RIPK2: variants seen among roughly 807,000 people sequenced by gnomAD.
RIPK2 encodes receptor interacting serine/threonine kinase 2.
Under a neutral mutation model 60.9 loss-of-function variants are expected in RIPK2, and 38 were observed. That is an observed-to-expected ratio of 0.62 (90% confidence interval 0.48 to 0.82). The LOEUF is 0.82. Ranked by LOEUF, RIPK2 falls within the 40% of genes least tolerant of loss-of-function variation. The pLI is 0.00. For missense variants in RIPK2, 518 were observed against 647.0 expected (o/e 0.80, Z 2.16); for synonymous variants, 225 against 223.4 (o/e 1.01, Z -0.06).
At chr8:89,762,543 T>C (rs551128086) in intron 1 of RIPK2, among the ~76,000 whole-genome samples, 1 of 152,356 alleles carries the variant, frequency 6.6e-6, no homozygotes, top group South Asian at 2.1e-4. Flanking sequence ...TAATACTATG[T>C]TCTTTCCCAT....
Position 89,790,393 on chromosome 8 carries a change from T to G in RIPK2, c.1600T>G (p.Leu534Val), listed in dbSNP as rs775421386. 1 of 1,598,592 alleles carries G rather than the reference T, an allele frequency of 6.3e-7. No individual in the cohort carries two copies. Among genetic ancestry groups the G allele is most frequent in the South Asian group, 1.1e-5 (1 of 89,274 alleles). Residue 534 changes from leucine to valine, a missense_variant, in exon 11 of 11, where the codon TTA becomes GTA. By Grantham distance (32) the Leu-to-Val change is conservative. Transcript: ENST00000220751. ...LVVSRSPSLN[L>V]LQNKSM is the part of the protein sequence containing the mutation. ...GGTTTCTAGATCACCATCTTTAAAT[T>G]TACTTCAAAATAAAAGCATGTAAGT...
chr8:89,785,177 C>G (rs1400487248), intron 8 of RIPK2, among the ~76,000 whole-genome samples: 1 of 152,132 alleles, frequency 6.6e-6, no homozygotes, highest in Non-Finnish European at 1.5e-5. Context: ...AGGTCGCAGT[C>G]AAAACATTGT....
Position 89,785,280 on chromosome 8 carries a change from G to T in RIPK2, c.1029+1141G>T, listed in dbSNP as rs1157782469. Among the ~76,000 whole-genome samples the T allele has an allele frequency of 5.3e-5, 8 of 152,108 alleles. No individual in the cohort carries two copies. In the East Asian group the frequency reaches 1.5e-3, roughly 29 times the overall value. On this transcript the variant is annotated intron_variant, in intron 8 of 10. Transcript: ENST00000220751. ...ACTTGAGGTCAGGAGTTCGAGACCA[G>T]CCTGGCCAACATGACAAAACCCCAT...
In RIPK2 at chr8:89,757,997, G is replaced by T; in HGVS notation, c.-64G>T. The T allele has an allele frequency of 1.4e-6, 2 of 1,470,050 alleles. No homozygotes were observed. The highest frequency in any genetic ancestry group is 2.6e-5 in the East Asian group (1 of 39,136). The allele number at this position is 1,470,050 out of a possible 1,614,324, so 91.1% of individuals were successfully genotyped here. On this transcript the variant is annotated 5_prime_UTR_variant, in exon 1 of 11. Transcript: ENST00000220751. ...GCGTATCTGGGCGCCTGAGCGCGGC[G>T]TGGGAGCCTTGGGAGCCGCCGCAGC...
At chr8:89,758,280 C>G in intron 1 of RIPK2, 47 bp downstream of exon 1, 1 of 1,506,782 alleles carries the variant, frequency 6.6e-7, no homozygotes, top group Non-Finnish European at 8.9e-7. Context: ...ACTCCTGCAT[C>G]CCCTCAAGCC....
rs370426586 is a variant in RIPK2 at position 89,779,995 on chromosome 8, C to T, written c.854-80C>T. The T allele has an allele frequency of 2.4e-5, 17 of 705,896 alleles. No homozygotes were observed. In the East Asian group the frequency reaches 3.0e-4, roughly 13 times the overall value. The allele number at this position is 705,896 out of a possible 1,614,324, so 43.7% of individuals were successfully genotyped here. A position where few individuals can be genotyped will look rare whatever the true frequency, so the allele number is the denominator to read the frequency against. On this transcript the variant is annotated intron_variant, in intron 6 of 10. Coordinates refer to ENST00000220751, the MANE Select transcript of RIPK2 (RefSeq NM_003821.6). ...CTTTGGGGAAAAACTGACTTGAGGC[C>T]TTGTACATTAAATGTTAGCATTTCA...
At chr8:89,782,754 T>C (rs1356017584) in intron 7 of RIPK2, among the ~76,000 whole-genome samples, 5 of 152,218 alleles carry the variant, frequency 3.3e-5, no homozygotes, top group African/African-American at 1.2e-4. Flanking sequence ...TTTTCCTAGG[T>C]AATTGGCTTC....
rs879231809 is a variant in RIPK2 at position 89,786,804 on chromosome 8, G to A, written c.1123+118G>A. The A allele has an allele frequency of 5.9e-6, 4 of 674,072 alleles. No individual in the cohort carries two copies. In the Admixed American group the frequency reaches 8.3e-5, roughly 14 times the overall value. 41.8% of individuals were successfully genotyped at this position (674,072 alleles called of 1,614,324 possible). On this transcript the variant is annotated intron_variant, in intron 9 of 10. Transcript: ENST00000220751. The stretch of plus-strand genomic sequence containing the variant: ...TTAATTTGCATATATAACTCATTTT[G>A]TAAAGCGACAGAGTCTAAAGATAGG...
intron 1 of RIPK2, among the ~76,000 whole-genome samples, chr8:89,761,283 G>A (rs1440754071): frequency 1.3e-5 from 2 of 151,946 alleles, no homozygotes; most frequent in African/African-American, 4.8e-5. Context: ...TACCTAATAG[G>A]CTTCTCCTGG....
chr8:89,779,110 C>A (rs1489685854), intron 6 of RIPK2, among the ~76,000 whole-genome samples: 1 of 151,944 alleles, frequency 6.6e-6, no homozygotes, highest in Non-Finnish European at 1.5e-5. Flanking sequence ...AAATTCAAAT[C>A]TTTTACTTGT....
At position 89,757,861 on chromosome 8, in the gene RIPK2, C is replaced by T; in HGVS notation, c.-200C>T. ...TGGCACCAGTCTCTAGAAAAGAAGT[C>T]AGCTCTGGTTCGGAGAAGCAGCGGC... On this transcript the variant is annotated 5_prime_UTR_variant, in exon 1 of 11. Transcript: ENST00000220751. 7.4e-7 allele frequency: 1 copy of T among 1,348,268 alleles called. No individual in the cohort carries two copies. Among genetic ancestry groups the T allele is most frequent in the South Asian group, 1.8e-5 (1 of 56,142 alleles). The allele number at this position is 1,348,268 out of a possible 1,614,324, so 83.5% of individuals were successfully genotyped here.
chr8:89,775,042 G>T (rs1809374913), intron 6 of RIPK2, among the ~76,000 whole-genome samples: 1 of 152,086 alleles, frequency 6.6e-6, no homozygotes, highest in Non-Finnish European at 1.5e-5. Flanking sequence ...AAAAAAAATA[G>T]AAAGAAGTGA....
intron 7 of RIPK2, chr8:89,780,873 G>A (rs1295786859): frequency 6.6e-6 from 1 of 151,250 alleles, no homozygotes; most frequent in African/African-American, 2.4e-5. Flanking sequence ...GAATTACCTA[G>A]GAGAGTTGTA....
At chr8:89,771,868 T>C in intron 5 of RIPK2, 78 bp downstream of exon 5, 2 of 963,272 alleles carry the variant, frequency 2.1e-6, no homozygotes, top group Non-Finnish European at 3.3e-6. Flanking sequence ...AAAATCATGT[T>C]ATTTTAAATC....
Position 89,766,871 on chromosome 8 carries a change from A to G in RIPK2, c.483+1375A>G, listed in dbSNP as rs140269319. ...GGATTCTTTGGTTTTCTTACTGTTG[A>G]GTTTTGAGAGTTCTGTATTTGTTAC... On this transcript the variant is annotated intron_variant, in intron 3 of 10. Coordinates refer to ENST00000220751, the MANE Select transcript of RIPK2 (RefSeq NM_003821.6). Among the ~76,000 whole-genome samples, 295 of 151,122 alleles carry G rather than the reference A, an allele frequency of 2.0e-3. 5 individuals carry two copies. Among genetic ancestry groups the G allele is most frequent in the East Asian group, 9.0e-3 (46 of 5,122 alleles).
chr8:89,786,409 G>A (rs1481568773), intron 8 of RIPK2, among the ~76,000 whole-genome samples, 184 bp from the exon 9 acceptor site: 1 of 151,870 alleles, frequency 6.6e-6, no homozygotes, highest in Non-Finnish European at 1.5e-5. Flanking sequence ...AGGAGGGTGG[G>A]GCTGCAGTGA....
chr8:89,777,282 T>C (rs959063708), intron 6 of RIPK2, among the ~76,000 whole-genome samples: 10 of 152,234 alleles, frequency 6.6e-5, no homozygotes, highest in Non-Finnish European at 1.5e-4. Context: ...GCATGAACTT[T>C]AGAGGATCTA....
At chr8:89,767,791 T>G (rs958685623) in intron 3 of RIPK2, among the ~76,000 whole-genome samples, 1 of 151,780 alleles carries the variant, frequency 6.6e-6, no homozygotes, top group African/African-American at 2.4e-5. Context: ...TTTAGTTACT[T>G]CAGCAAGACA....
chr8:89,764,729 A>G (rs1035189079), intron 2 of RIPK2, among the ~76,000 whole-genome samples: 2 of 152,134 alleles, frequency 1.3e-5, no homozygotes, highest in African/African-American at 4.8e-5. Context: ...CTTCCACAAA[A>G]ACAAAACAAA....
Sources: allele counts gnomAD v4.1 joint callset (sites outside exome capture counted in the v4.1 genomes callset), GRCh38; gene constraint gnomAD v4.1.1; transcripts MANE v1.5; gene names NCBI Gene and HGNC (gene_info 2026-07-23, HGNC 2026-07-21).